The following RAP2A variants were observed in gnomAD, a reference collection of about 807,000 sequenced individuals.
RAP2A encodes RAP2A, member of RAS oncogene family.
In RAP2A, 5 loss-of-function variants were observed where a neutral mutation model predicts 15.1. The ratio of observed to expected loss-of-function variants is 0.33; its 90% CI spans 0.17 to 0.70. The LOEUF is 0.70. RAP2A is among the 30% of genes least tolerant of loss of function. RAP2A has a pLI of 0.68. For synonymous variants in RAP2A, 110 were observed against 99.7 expected (o/e 1.10, Z -0.62); for missense variants, 111 against 240.3 (o/e 0.46, Z 3.56).
At chr13:97,449,862 CCTCTT>C (rs1340756558) in intron 1 of RAP2A, among the ~76,000 whole-genome samples, 1 of 152,136 alleles carries the variant, frequency 6.6e-6, no homozygotes, top group African/African-American at 2.4e-5. Flanking sequence ...TACTCCTCTT[CCTCTT>C]CTGAGTTGTT....
At chr13:97,451,233 T>A (rs2153179790) in intron 1 of RAP2A, among the ~76,000 whole-genome samples, 1 of 151,972 alleles carries the variant, frequency 6.6e-6, no homozygotes, top group East Asian at 1.9e-4. Flanking sequence ...ATCTTACTGA[T>A]TTTTTTTGTT....
At chr13:97,449,561 C>T (rs1399431806) in intron 1 of RAP2A, among the ~76,000 whole-genome samples, 1 of 152,084 alleles carries the variant, frequency 6.6e-6, no homozygotes, top group Non-Finnish European at 1.5e-5. Context: ...TCTCCCTTGC[C>T]CCACAGTGAA....
Position 97,464,685 on chromosome 13 carries a change from A to G in RAP2A, c.*243A>G, listed in dbSNP as rs2066763005. 7.5e-6 allele frequency: 4 copies of G among 533,648 alleles called. No individual in the cohort carries two copies. Among genetic ancestry groups the G allele is most frequent in the Non-Finnish European group, 1.3e-5 (4 of 299,210 alleles). The allele number at this position is 533,648 out of a possible 1,614,324, so 33.1% of individuals were successfully genotyped here. A position where few individuals can be genotyped will look rare whatever the true frequency, so the allele number is the denominator to read the frequency against. ...CATCTGCAACTTTAAGGCATAGTCC[A>G]TCGATCTACAGGGTGATCTCATTTG... On this transcript the variant is annotated 3_prime_UTR_variant, in exon 2 of 2. Transcript: ENST00000245304.
intron 1 of RAP2A, among the ~76,000 whole-genome samples, chr13:97,457,396 ATTACGGTAC>A (rs2066727547): frequency 6.6e-6 from 1 of 152,004 alleles, no homozygotes; most frequent in Non-Finnish European, 1.5e-5. Flanking sequence ...AGATAATTAA[ATTACGGTAC>A]AGTTATAGTT....
At chr13:97,454,222 G>A (rs544573851) in intron 1 of RAP2A, among the ~76,000 whole-genome samples, 2 of 150,682 alleles carry the variant, frequency 1.3e-5, no homozygotes, top group African/African-American at 2.4e-5. Context: ...ATTTAAAGTG[G>A]ATTTCTTCTT....
intron 1 of RAP2A, among the ~76,000 whole-genome samples, chr13:97,447,806 T>C (rs950831939): frequency 6.6e-6 from 1 of 152,184 alleles, no homozygotes; most frequent in Non-Finnish European, 1.5e-5. Flanking sequence ...TGTGTGTCTA[T>C]AAGTGTCAAG....
chr13:97,435,179 G>C (rs996242231), intron 1 of RAP2A, among the ~76,000 whole-genome samples: 1 of 152,162 alleles, frequency 6.6e-6, no homozygotes, highest in Non-Finnish European at 1.5e-5. Flanking sequence ...ATGTTTGACA[G>C]TAAAAATCGC....
chr13:97,455,603 A>G (rs1342897243), intron 1 of RAP2A, among the ~76,000 whole-genome samples: 1 of 151,464 alleles, frequency 6.6e-6, no homozygotes, highest in Non-Finnish European at 1.5e-5. Flanking sequence ...ATGTCAGTTC[A>G]ATTTTCAAAG....
At chr13:97,439,834 G>A (rs147598516) in intron 1 of RAP2A, among the ~76,000 whole-genome samples, 305 of 152,230 alleles carry the variant, frequency 2.0e-3, no homozygotes, top group African/African-American at 7.2e-3. Flanking sequence ...GCGAGAAGGC[G>A]TGGGGTGTTT....
intron 1 of RAP2A, among the ~76,000 whole-genome samples, chr13:97,446,564 G>C (rs2066680553): frequency 6.6e-6 from 1 of 152,126 alleles, no homozygotes; most frequent in African/African-American, 2.4e-5. Context: ...AGACTGTGTT[G>C]ATCCATAGAG....
chr13:97,456,589 G>A (rs1289869723), intron 1 of RAP2A, among the ~76,000 whole-genome samples: 1 of 152,130 alleles, frequency 6.6e-6, no homozygotes, highest in Non-Finnish European at 1.5e-5. Context: ...TCCAATGATT[G>A]TGATAATCAA....
intron 1 of RAP2A, among the ~76,000 whole-genome samples, chr13:97,458,024 A>T (rs1041894141): frequency 6.6e-6 from 1 of 152,172 alleles, no homozygotes; most frequent in Non-Finnish European, 1.5e-5. Context: ...TAACACTAAC[A>T]TTTAACAGAC....
intron 1 of RAP2A, among the ~76,000 whole-genome samples, chr13:97,442,471 C>G (rs951102777): frequency 6.6e-6 from 1 of 152,050 alleles, no homozygotes; most frequent in Admixed American, 6.6e-5. Context: ...ATCCACTCAG[C>G]AGGGGATTTC....
At chr13:97,455,860 G>C (rs2066720684) in intron 1 of RAP2A, among the ~76,000 whole-genome samples, 1 of 151,344 alleles carries the variant, frequency 6.6e-6, no homozygotes, top group South Asian at 2.1e-4. Context: ...GCCCATTTTT[G>C]GTCTGGCCAG....
chr13:97,434,812 G>T, intron 1 of RAP2A, 28 bp downstream of exon 1: 2 of 1,610,712 alleles, frequency 1.2e-6, no homozygotes, highest in South Asian at 2.2e-5. Flanking sequence ...GGGGCTTGGC[G>T]GCTGCACCCC....
intron 1 of RAP2A, among the ~76,000 whole-genome samples, chr13:97,440,890 A>G (rs746058975): frequency 6.6e-6 from 1 of 152,218 alleles, no homozygotes; most frequent in Non-Finnish European, 1.5e-5. Flanking sequence ...TATACAATAC[A>G]GTATTGTTAA....
intron 1 of RAP2A, among the ~76,000 whole-genome samples, chr13:97,443,632 TC>T (rs1006101934): frequency 6.6e-6 from 1 of 152,232 alleles, no homozygotes; most frequent in African/African-American, 2.4e-5. Flanking sequence ...CCTCAAGTGT[TC>T]CGACTACCTC....
intron 1 of RAP2A, among the ~76,000 whole-genome samples, chr13:97,446,357 T>C (rs1050554706): frequency 6.6e-6 from 1 of 152,210 alleles, no homozygotes; most frequent in African/African-American, 2.4e-5. Flanking sequence ...TTCTTTGACC[T>C]GGCCAGCTTC....
chr13:97,457,396 A>G (rs1182589218), intron 1 of RAP2A, among the ~76,000 whole-genome samples: 1 of 152,004 alleles, frequency 6.6e-6, no homozygotes, highest in Non-Finnish European at 1.5e-5. Context: ...AGATAATTAA[A>G]TTACGGTACA....
Sources: gnomAD v4.1 joint callset for allele counts (sites outside exome capture counted in the v4.1 genomes callset) on GRCh38, gnomAD v4.1.1 for gene constraint, MANE v1.5 for transcripts, NCBI Gene and HGNC (gene_info 2026-07-23, HGNC 2026-07-21) for gene names.